GOLGA8A: variants seen among roughly 807,000 people sequenced by gnomAD.
GOLGA8A encodes golgin subfamily A member 8A.
A neutral mutation model predicts 22.1 loss-of-function variants in GOLGA8A; 3 were observed. The observed-to-expected ratio is 0.14, with a 90% confidence interval of 0.06 to 0.35. The LOEUF (loss-of-function observed/expected upper bound fraction) is 0.35, where lower values mean the gene tolerates loss of function less well. Ranked by LOEUF, GOLGA8A falls within the 10% of genes least tolerant of loss-of-function variation. The pLI is 1.00. For synonymous variants in GOLGA8A, 7 were observed against 91.7 expected, an observed-to-expected ratio of 0.08 and a Z score of 5.28; for missense variants, 16 against 233.2, an observed-to-expected ratio of 0.07 and a Z score of 6.07.
chr15:34,433,169 C>T lies in GOLGA8A; in HGVS notation c.-1123+2214G>A, dbSNP rs559539797. On this transcript the variant is annotated intron_variant, in intron 2 of 24. Transcript: ENST00000359187. Reference sequence around the variant, plus strand: ...AGCATCTTCTCCAACCAGGCCAGGACACACGCAGGAGAGAGTCAGGCAGGA... The same window carrying T: ...AGCATCTTCTCCAACCAGGCCAGGATACACGCAGGAGAGAGTCAGGCAGGA... Among the ~76,000 whole-genome samples, 63 of 148,706 alleles carry T rather than the reference C, an allele frequency of 4.2e-4. 3 individuals carry two copies. The highest frequency in any genetic ancestry group is 1.5e-3 in the African/African-American group (62 of 40,416).
Position 34,381,149 on chromosome 15 carries a change from C to G in GOLGA8A, c.*262G>C. On this transcript the variant is annotated 3_prime_UTR_variant, in exon 25 of 25. Transcript: ENST00000359187. ...AACTCCCACCACGTAAGGGCAAACTCGATATGCATGCTAATGACCTACAAT... is the reference window on the plus strand; with the variant it reads ...AACTCCCACCACGTAAGGGCAAACTGGATATGCATGCTAATGACCTACAAT... 1 of 554,184 alleles carries G rather than the reference C, an allele frequency of 1.8e-6. No individual in the cohort carries two copies. The allele number at this position is 554,184 out of a possible 1,614,324, so 34.3% of individuals were successfully genotyped here. A position where few individuals can be genotyped will look rare whatever the true frequency, so the allele number is the denominator to read the frequency against.
At chr15:34,429,106 C>T (rs1327428792) in intron 2 of GOLGA8A, among the ~76,000 whole-genome samples, 3 of 144,140 alleles carry the variant, frequency 2.1e-5, no homozygotes, top group South Asian at 2.3e-4. Context: ...GTCACATCTT[C>T]TGCTCATACC....
chr15:34,436,860 T>C (rs1427898947), intron 1 of GOLGA8A, among the ~76,000 whole-genome samples: 1 of 149,824 alleles, frequency 6.7e-6, no homozygotes, highest in Non-Finnish European at 1.5e-5. Flanking sequence ...TGTGGGGTTT[T>C]TGAGTTTTTC....
chr15:34,379,828 T>C lies in GOLGA8A; in HGVS notation c.*1583A>G, dbSNP rs927376891. On this transcript the variant is annotated 3_prime_UTR_variant, in exon 25 of 25. Coordinates refer to ENST00000359187, the MANE Select transcript of GOLGA8A (RefSeq NM_181077.5). ...AAGTTATGATTTAGGCAATGTATGA[T>C]TGAAATGCATTCATTCATCATGCAT... is the stretch of plus-strand genomic sequence containing the variant. 1.0e-4 allele frequency: 16 copies of C among 152,804 alleles called. No homozygotes were observed. The highest frequency in any genetic ancestry group is 2.9e-4 in the African/African-American group (12 of 41,590). 9.5% of individuals were successfully genotyped at this position (152,804 alleles called of 1,614,324 possible).
chr15:34,420,779 G>C (rs116069897), intron 2 of GOLGA8A, among the ~76,000 whole-genome samples: 1 of 128,432 alleles, frequency 7.8e-6, no homozygotes, highest in Non-Finnish European at 1.7e-5. Context: ...CACACGGAGT[G>C]GCTCAGGTGC....
At chr15:34,436,855 G>C (rs1439610713) in intron 1 of GOLGA8A, among the ~76,000 whole-genome samples, 1 of 149,946 alleles carries the variant, frequency 6.7e-6, no homozygotes, top group East Asian at 2.0e-4. Context: ...CAAGGTGTGG[G>C]GTTTTTGAGT....
In GOLGA8A at chr15:34,379,916, C is replaced by A. The variant is rs776603141; in HGVS notation, c.*1495G>T. 1 of 152,634 alleles carries A rather than the reference C, an allele frequency of 6.6e-6. No individual in the cohort carries two copies. Among genetic ancestry groups the A allele is most frequent in the Non-Finnish European group, 1.5e-5 (1 of 68,040 alleles). The allele number at this position is 152,634 out of a possible 1,614,324, so 9.5% of individuals were successfully genotyped here. A position where few individuals can be genotyped will look rare whatever the true frequency, so the allele number is the denominator to read the frequency against. On this transcript the variant is annotated 3_prime_UTR_variant, in exon 25 of 25. Coordinates refer to ENST00000359187, the MANE Select transcript of GOLGA8A (RefSeq NM_181077.5). ...TGACTGAAAATGAGAGGTACAAAAA[C>A]GTATTTCACTCTTCGTAAAGAAGTT... is the stretch of plus-strand genomic sequence containing the variant.
intron 2 of GOLGA8A, among the ~76,000 whole-genome samples, chr15:34,428,067 T>C (rs1317022250): frequency 6.8e-6 from 1 of 147,728 alleles, no homozygotes; most frequent in Non-Finnish European, 1.5e-5. Flanking sequence ...CCACATCAAA[T>C]GGAGCTTTCT....
chr15:34,435,163 C>T (rs1184818532), intron 2 of GOLGA8A, among the ~76,000 whole-genome samples: 2 of 149,310 alleles, frequency 1.3e-5, no homozygotes, highest in Non-Finnish European at 3.0e-5. Context: ...GGAGCTGAGG[C>T]CTGGAGGGGG....
intron 2 of GOLGA8A, among the ~76,000 whole-genome samples, chr15:34,429,876 C>T (rs574493447): frequency 1.4e-5 from 2 of 147,950 alleles, no homozygotes; most frequent in African/African-American, 5.0e-5. Context: ...AGGTTAGTGT[C>T]CCGCACCCCT....
Position 34,410,684 on chromosome 15 carries a change from C to A in GOLGA8A, c.-1122-2949G>T, listed in dbSNP as rs397832131. The A allele has an allele frequency of 7.5e-5, 21 of 281,570 alleles. 4 individuals are homozygous for A. Among genetic ancestry groups the A allele is most frequent in the African/African-American group, 4.3e-4 (16 of 37,182 alleles). The allele number at this position is 281,570 out of a possible 1,614,324, so 17.4% of individuals were successfully genotyped here. A position where few individuals can be genotyped will look rare whatever the true frequency, so the allele number is the denominator to read the frequency against. On this transcript the variant is annotated intron_variant, in intron 2 of 24. Transcript: ENST00000359187. ...AGGCCTCGCAGATGCTGAAGCGAGG[C>A]GGTGGGGGGTGCTGGGTGCCTTACA... is the stretch of plus-strand genomic sequence containing the variant.
intron 23 of GOLGA8A, 51 bp downstream of exon 23, chr15:34,381,917 A>ATG (rs1224388914): frequency 4.0e-5 from 17 of 428,122 alleles, no homozygotes; most frequent in African/African-American, 2.6e-4. Flanking sequence ...TGCCCACCCC[A>ATG]CCCACACCCC....
chr15:34,435,001 T>A lies in GOLGA8A; in HGVS notation c.-1123+382A>T, dbSNP rs187846903. ...ATTCAAGCCACCCAGTGATGTGTGC[T>A]GGGCCTCGATCCCCACCGACCGCCA... On this transcript the variant is annotated intron_variant, in intron 2 of 24. Coordinates refer to ENST00000359187, the MANE Select transcript of GOLGA8A (RefSeq NM_181077.5). Among the ~76,000 whole-genome samples, 202 of 149,592 alleles carry A rather than the reference T, an allele frequency of 1.4e-3. 16 individuals are homozygous for A. The highest frequency in any genetic ancestry group is 4.5e-3 in the African/African-American group (181 of 40,608).
intron 2 of GOLGA8A, among the ~76,000 whole-genome samples, chr15:34,432,688 T>C (rs2912305): frequency 3.4e-5 from 5 of 149,206 alleles, no homozygotes; most frequent in Non-Finnish European, 5.9e-5. Flanking sequence ...GAAAATATTT[T>C]CACAGTCACT....
chr15:34,379,305 T>G lies in GOLGA8A; in HGVS notation c.*2106A>C, dbSNP rs567045386. On this transcript the variant is annotated 3_prime_UTR_variant, in exon 25 of 25. Coordinates refer to ENST00000359187, the MANE Select transcript of GOLGA8A (RefSeq NM_181077.5). ...CCTTTTAAACTACAGGATTTATATTTTAAAATGTTTTATTTCAGAACATTA... is the reference window on the plus strand; with the variant it reads ...CCTTTTAAACTACAGGATTTATATTGTAAAATGTTTTATTTCAGAACATTA... 1 of 152,786 alleles carries G rather than the reference T, an allele frequency of 6.5e-6. No homozygotes were observed. The highest frequency in any genetic ancestry group is 2.1e-4 in the South Asian group (1 of 4,826). The allele number at this position is 152,786 out of a possible 1,614,324, so 9.5% of individuals were successfully genotyped here.
chr15:34,430,521 G>C (rs1178956875), intron 2 of GOLGA8A, among the ~76,000 whole-genome samples: 1 of 149,048 alleles, frequency 6.7e-6, no homozygotes, highest in African/African-American at 2.5e-5. Flanking sequence ...CTAGCAGTCA[G>C]GCCAGGTGGG....
chr15:34,428,793 C>T (rs1302368978), intron 2 of GOLGA8A: 4 of 147,232 alleles, frequency 2.7e-5, no homozygotes, highest in African/African-American at 1.0e-4. Flanking sequence ...CAGACCCCAC[C>T]CTGCTGCAGA....
intron 2 of GOLGA8A, among the ~76,000 whole-genome samples, chr15:34,409,045 CCT>C (rs1262031455): frequency 8.1e-6 from 1 of 123,236 alleles, no homozygotes; most frequent in Non-Finnish European, 1.8e-5. Flanking sequence ...TCTGCTCCCA[CCT>C]CTCTCTCCCC....
At chr15:34,436,662 G>T (rs1457737078) in intron 1 of GOLGA8A, among the ~76,000 whole-genome samples, 1 of 149,810 alleles carries the variant, frequency 6.7e-6, no homozygotes, top group East Asian at 2.0e-4. Flanking sequence ...GGCTTACCAA[G>T]GCCCGCCGCC....
Sources: gnomAD v4.1 joint callset for allele counts (sites outside exome capture counted in the v4.1 genomes callset) on GRCh38, gnomAD v4.1.1 for gene constraint, MANE v1.5 for transcripts, NCBI Gene and HGNC (gene_info 2026-07-23, HGNC 2026-07-21) for gene names.